The following RIMS1 variants were observed in gnomAD, a reference collection of about 807,000 sequenced individuals.
The protein encoded by RIMS1 is regulating synaptic membrane exocytosis protein 1.
Under a neutral mutation model 214.1 loss-of-function variants are expected in RIMS1, and 83 were observed. The observed-to-expected ratio is 0.39, with a 90% confidence interval of 0.32 to 0.47. The LOEUF is 0.47. RIMS1 is among the 20% of genes least tolerant of loss of function. The probability of loss-of-function intolerance (pLI) is 0.99; values close to 1 mark genes in which losing one functional copy is unlikely to be tolerated. For missense variants in RIMS1, 2,050 were observed against 2,161.8 expected (o/e 0.95, Z 1.03); for synonymous variants, 793 against 786.8 (o/e 1.01, Z -0.13).
At chr6:72,100,155 A>T (rs768664142) in intron 4 of RIMS1, among the ~76,000 whole-genome samples, 169 bp downstream of exon 4, 3 of 152,088 alleles carry the variant, frequency 2.0e-5, no homozygotes, top group Non-Finnish European at 2.9e-5. Flanking sequence ...GGAGCATTAC[A>T]GAGTTTGATA....
rs550674635 is a variant in RIMS1 at position 72,248,751 on chromosome 6, T to C, written c.2241+624T>C. 1.3e-3 allele frequency among the ~76,000 whole-genome samples: 197 copies of C among 152,300 alleles called. 1 individual carries two copies. The highest frequency in any genetic ancestry group is 4.4e-3 in the African/African-American group (184 of 41,572). ...TATTTGTTTCAAATTGTTACACAAATAATGACCTTTTGCTCCTCTGATAAT... is the reference window on the plus strand; with the variant it reads ...TATTTGTTTCAAATTGTTACACAAACAATGACCTTTTGCTCCTCTGATAAT... On this transcript the variant is annotated intron_variant, in intron 12 of 33. Coordinates refer to ENST00000521978, the MANE Select transcript of RIMS1 (RefSeq NM_014989.7).
At position 72,182,953 on chromosome 6, in the gene RIMS1, C is replaced by G. The variant is rs531581935; in HGVS notation, c.1482C>G (p.Thr494=). ...MRKAKREKVE[T]MLRNDSLSSD... ...AGGCCAAGCGCGAGAAGGTGGAGAC[C>G]ATGCTGCGGAACGACTCTTTGAGCT... Residue 494 remains threonine, a synonymous_variant, in exon 6 of 34, where the codon ACC becomes ACG. Coordinates refer to ENST00000521978, the MANE Select transcript of RIMS1 (RefSeq NM_014989.7). 3 of 1,592,090 alleles carry G rather than the reference C, an allele frequency of 1.9e-6. No individual in the cohort carries two copies. The Admixed American group carries it at 5.3e-5, about 28-fold the overall frequency.
chr6:72,119,720 T>C (rs899506385), intron 4 of RIMS1, among the ~76,000 whole-genome samples: 1 of 151,628 alleles, frequency 6.6e-6, no homozygotes, highest in Non-Finnish European at 1.5e-5. Context: ...TTGTTACATA[T>C]GTATACATGT....
intron 29 of RIMS1, among the ~76,000 whole-genome samples, chr6:72,335,400 G>C (rs550917788): frequency 6.6e-6 from 1 of 151,988 alleles, no homozygotes; most frequent in Non-Finnish European, 1.5e-5. Flanking sequence ...CCCTGCAAAG[G>C]GCTTCATCCT....
rs559979183 is a variant in RIMS1, at chr6:71,957,768, G to A, written c.165-11215G>A. Among the ~76,000 whole-genome samples the A allele has an allele frequency of 6.8e-4, 102 of 150,420 alleles. 8 individuals are homozygous for A. The highest frequency in any genetic ancestry group is 1.7e-3 in the Admixed American group (26 of 15,152). ...AGTATAATAAACTAAATTTTTAGCC[G>A]ATAAAATAAATATATTTTAAATGAC... On this transcript the variant is annotated intron_variant, in intron 1 of 33. Coordinates refer to ENST00000521978, the MANE Select transcript of RIMS1 (RefSeq NM_014989.7).
intron 4 of RIMS1, among the ~76,000 whole-genome samples, chr6:72,121,734 T>C (rs1164164877): frequency 6.6e-6 from 1 of 151,932 alleles, no homozygotes; most frequent in East Asian, 1.9e-4. Flanking sequence ...TTGTGCTAGT[T>C]TTCAAAGGGA....
chr6:72,262,927 C>T (rs1193130552), intron 19 of RIMS1: 1 of 486,032 alleles, frequency 2.1e-6, no homozygotes, highest in Non-Finnish European at 2.7e-6. Flanking sequence ...ATTTAATGTA[C>T]TTTGTCAATT....
chr6:72,331,993 T>C (rs1282846927), intron 28 of RIMS1, among the ~76,000 whole-genome samples: 2 of 151,778 alleles, frequency 1.3e-5, no homozygotes, highest in African/African-American at 4.8e-5. Flanking sequence ...CCGTAGCTTA[T>C]AAACTCTCCT....
intron 11 of RIMS1, among the ~76,000 whole-genome samples, chr6:72,247,548 A>C (rs1490767730): frequency 2.0e-5 from 3 of 152,094 alleles, no homozygotes; most frequent in South Asian, 2.1e-4. Flanking sequence ...AAAAAAAAAA[A>C]AAAAAAACCT....
At position 72,266,358 on chromosome 6, in the gene RIMS1, C is replaced by A. The variant is rs373382049; in HGVS notation, c.3398+309C>A. The stretch of plus-strand genomic sequence containing the variant: ...GTCATTTTATTGACTATTCAGGAAA[C>A]CTTCAGTATGCTGATAATGTTATAA... On this transcript the variant is annotated intron_variant, in intron 22 of 33. Transcript: ENST00000521978. 49 of 407,068 alleles carry A rather than the reference C, an allele frequency of 1.2e-4. No individual in the cohort carries two copies. In the East Asian group the frequency reaches 2.6e-3, roughly 22 times the overall value. 25.2% of individuals were successfully genotyped at this position (407,068 alleles called of 1,614,324 possible).
intron 6 of RIMS1, among the ~76,000 whole-genome samples, chr6:72,215,747 AAC>A (rs928902203): frequency 6.7e-6 from 1 of 148,756 alleles, no homozygotes; most frequent in Non-Finnish European, 1.5e-5. Context: ...AAAAAAAGCA[AAC>A]AGATTCTGAG....
chr6:72,137,618 A>AAT (rs937796251), intron 4 of RIMS1, among the ~76,000 whole-genome samples: 65 of 150,922 alleles, frequency 4.3e-4, no homozygotes, highest in South Asian at 2.1e-3. Context: ...ATGTGTTTTA[A>AAT]ATATATATAT....
At chr6:72,044,283 A>G (rs1050839533) in intron 2 of RIMS1, among the ~76,000 whole-genome samples, 2 of 151,870 alleles carry the variant, frequency 1.3e-5, no homozygotes, top group Admixed American at 6.6e-5. Context: ...CTAGAAAACT[A>G]TTAAAATAAA....
intron 2 of RIMS1, among the ~76,000 whole-genome samples, chr6:72,041,655 C>T (rs1174166439): frequency 1.3e-5 from 2 of 151,856 alleles, no homozygotes; most frequent in Non-Finnish European, 2.9e-5. Flanking sequence ...TCTCCTTCCA[C>T]ACAACTAAGC....
intron 1 of RIMS1, among the ~76,000 whole-genome samples, chr6:71,888,202 C>A (rs534037005): frequency 6.6e-6 from 1 of 152,254 alleles, no homozygotes; most frequent in African/African-American, 2.4e-5. Flanking sequence ...TGCTTAGCAT[C>A]ACCCATAGAG....
At chr6:72,123,873 T>C (rs1181698507) in intron 4 of RIMS1, among the ~76,000 whole-genome samples, 3 of 151,794 alleles carry the variant, frequency 2.0e-5, no homozygotes, top group Non-Finnish European at 2.9e-5. Context: ...TGTCTCTGCA[T>C]GTGAGATGGG....
chr6:72,187,390 T>C (rs370729365), intron 6 of RIMS1, among the ~76,000 whole-genome samples: 42 of 152,214 alleles, frequency 2.8e-4, no homozygotes, highest in Middle Eastern at 3.4e-3. Context: ...TTAATATTGT[T>C]GTATGAACAC....
chr6:72,088,554 G>A (rs1021490507), intron 2 of RIMS1, among the ~76,000 whole-genome samples: 31 of 152,084 alleles, frequency 2.0e-4, no homozygotes, highest in Non-Finnish European at 3.8e-4. Flanking sequence ...CACTGTGCCC[G>A]GTCACTTGAA....
At chr6:72,274,255 G>A in intron 22 of RIMS1, 94 bp from the exon 23 acceptor site, 1 of 727,188 alleles carries the variant, frequency 1.4e-6, no homozygotes, top group Non-Finnish European at 2.3e-6. Context: ...TGCCTTTATG[G>A]GGTGCTTTTC....
Sources: gnomAD v4.1 joint callset for allele counts (sites outside exome capture counted in the v4.1 genomes callset) on GRCh38, gnomAD v4.1.1 for gene constraint, MANE v1.5 for transcripts, NCBI Gene and HGNC (gene_info 2026-07-23, HGNC 2026-07-21) for gene names.